Variants in EIF4E observed in about 807,000 individuals in gnomAD.
EIF4E encodes the protein eukaryotic translation initiation factor 4E.
For missense variants in EIF4E, 113 were observed against 265.6 expected (o/e 0.43, Z 3.99); for synonymous variants, 71 against 88.5 (o/e 0.80, Z 1.11).
intron 5 of EIF4E, chr4:98,886,367 A>G (rs1723921589): frequency 5.9e-6 from 2 of 340,748 alleles, no homozygotes; most frequent in Non-Finnish European, 5.9e-6. Flanking sequence ...ATATCACAAC[A>G]TGTAGGTCAA....
intron 1 of EIF4E, chr4:98,909,748 T>C: frequency 1.4e-6 from 1 of 705,686 alleles, no homozygotes; most frequent in Non-Finnish European, 2.6e-6. Context: ...TCTCATTTTT[T>C]TTCTTTCCTT....
intron 1 of EIF4E, among the ~76,000 whole-genome samples, chr4:98,925,100 T>C (rs962243279): frequency 1.3e-5 from 2 of 152,326 alleles, no homozygotes; most frequent in Admixed American, 6.5e-5. Flanking sequence ...ATAAACCTTA[T>C]TTACTCTTAT....
chr4:98,895,808 T>A (rs1377509953), intron 2 of EIF4E, among the ~76,000 whole-genome samples: 1 of 152,212 alleles, frequency 6.6e-6, no homozygotes, highest in African/African-American at 2.4e-5. Flanking sequence ...AACAGCATTT[T>A]AGGAGGCTGA....
chr4:98,916,782 A>G (rs1725398617), intron 1 of EIF4E, among the ~76,000 whole-genome samples: 1 of 152,156 alleles, frequency 6.6e-6, no homozygotes, highest in South Asian at 2.1e-4. Flanking sequence ...CAAGGCCTCA[A>G]AAATTTTTTT....
At chr4:98,895,273 A>C (rs1724329712) in intron 2 of EIF4E, 1 of 152,238 alleles carries the variant, frequency 6.6e-6, no homozygotes, top group South Asian at 2.1e-4. Flanking sequence ...ACAAACCTTC[A>C]ATTTATAGAA....
rs1457597984 is a variant in EIF4E, at chr4:98,901,861, T to G, written c.125+15A>C. The G allele has an allele frequency of 6.2e-7, 1 of 1,607,986 alleles. No homozygotes were observed. Among genetic ancestry groups the G allele is most frequent in the African/African-American group, 1.3e-5 (1 of 74,728 alleles). ...TGTGGCCTAACTCAGAAAACCTAGG[T>G]GTTAGAAAGCTTACCTGTTCTGTAG... On this transcript the variant is annotated intron_variant, in intron 2 of 6. Transcript: ENST00000450253.
At chr4:98,881,427 A>G (rs149506945) in intron 6 of EIF4E, among the ~76,000 whole-genome samples, 18 of 143,544 alleles carry the variant, frequency 1.3e-4, no homozygotes, top group African/African-American at 3.9e-4. Context: ...TTATGATACT[A>G]TAATTATTAC....
chr4:98,910,317 AT>A (rs869077513), intron 1 of EIF4E, among the ~76,000 whole-genome samples: 5 of 152,124 alleles, frequency 3.3e-5, no homozygotes, highest in African/African-American at 9.7e-5. Flanking sequence ...CATGGAAAAA[AT>A]TTTTTCATGT....
Position 98,879,634 on chromosome 4 carries a change from T to G in EIF4E, c.*1394A>C, listed in dbSNP as rs980280330. The G allele has an allele frequency of 6.6e-6, 1 of 150,916 alleles. No homozygotes were observed. Among genetic ancestry groups the G allele is most frequent in the Admixed American group, 6.6e-5 (1 of 15,168 alleles). 9.3% of individuals were successfully genotyped at this position (150,916 alleles called of 1,614,324 possible). On this transcript the variant is annotated 3_prime_UTR_variant, in exon 7 of 7. Transcript: ENST00000450253. ...ATTGCAACACTAACAAGATTCTTAA[T>G]GCATATGTCCCCACCACCTGTACTT...
chr4:98,909,774 T>C (rs1011361744), intron 1 of EIF4E: 16 of 704,036 alleles, frequency 2.3e-5, no homozygotes, highest in Non-Finnish European at 1.6e-5. Flanking sequence ...TTTGCTTCTT[T>C]TTCATGCATC....
chr4:98,922,836 G>GTTTTTTC (rs1315403353), intron 1 of EIF4E, among the ~76,000 whole-genome samples: 6 of 145,232 alleles, frequency 4.1e-5, no homozygotes, highest in Non-Finnish European at 4.5e-5. Flanking sequence ...TCATTTTCCT[G>GTTTTTTC]TTTTTTCTTT....
At chr4:98,898,108 A>G (rs1377984055) in intron 2 of EIF4E, among the ~76,000 whole-genome samples, 74 of 151,632 alleles carry the variant, frequency 4.9e-4, no homozygotes, top group Admixed American at 4.9e-3. Flanking sequence ...CATGTGTCCT[A>G]CGAAAAAGGG....
intron 1 of EIF4E, among the ~76,000 whole-genome samples, chr4:98,914,747 AG>A (rs751218024): frequency 2.0e-5 from 3 of 152,208 alleles, no homozygotes; most frequent in Non-Finnish European, 4.4e-5. Flanking sequence ...GTACAACATC[AG>A]GAGTGAACCC....
chr4:98,897,498 G>A (rs553892188), intron 2 of EIF4E, among the ~76,000 whole-genome samples: 12 of 152,130 alleles, frequency 7.9e-5, no homozygotes, highest in Non-Finnish European at 1.2e-4. Flanking sequence ...CCCAGGAGGC[G>A]GAGGTTGCAG....
intron 1 of EIF4E, among the ~76,000 whole-genome samples, chr4:98,917,343 CT>C (rs1355838984): frequency 2.0e-5 from 3 of 152,022 alleles, no homozygotes; most frequent in Non-Finnish European, 4.4e-5. Context: ...ACTGAAGATT[CT>C]TTGCCTGGCC....
At chr4:98,909,505 T>TTAATGCA (rs1215454538) in intron 1 of EIF4E, 64 of 588,706 alleles carry the variant, frequency 1.1e-4, no homozygotes, top group Non-Finnish European at 1.6e-4. Context: ...ACCCCATGAT[T>TTAATGCA]TAATGCAAAA....
chr4:98,889,596 T>G (rs543904460), intron 3 of EIF4E, among the ~76,000 whole-genome samples: 2 of 152,068 alleles, frequency 1.3e-5, no homozygotes. Context: ...AAAACAGAAA[T>G]TAGGAAGTGG....
chr4:98,892,966 T>C (rs934484575), intron 2 of EIF4E, among the ~76,000 whole-genome samples: 1 of 152,186 alleles, frequency 6.6e-6, no homozygotes, highest in African/African-American at 2.4e-5. Context: ...ACATATTATA[T>C]ATAGAGGCAT....
At chr4:98,892,340 C>CAAAAA (rs1164170926) in intron 2 of EIF4E, among the ~76,000 whole-genome samples, 9 of 126,308 alleles carry the variant, frequency 7.1e-5, no homozygotes, top group African/African-American at 1.8e-4. Flanking sequence ...AAAAAACAAA[C>CAAAAA]AAAAAAAAAA....
Sources: allele counts gnomAD v4.1 joint callset (sites outside exome capture counted in the v4.1 genomes callset), GRCh38; gene constraint gnomAD v4.1.1; transcripts MANE v1.5; gene names NCBI Gene and HGNC (gene_info 2026-07-23, HGNC 2026-07-21).